GLDC: variants seen among roughly 807,000 people sequenced by gnomAD.
GLDC encodes the protein glycine dehydrogenase (decarboxylating), mitochondrial.
GLDC carries 104 observed loss-of-function variants against 121.3 expected under a neutral mutation model. The observed-to-expected ratio is 0.86, with a 90% CI of 0.73 to 1.01. The LOEUF is 1.01. Ranked by LOEUF, GLDC falls within the 50% of genes least tolerant of loss-of-function variation. The pLI, the probability that GLDC is intolerant of heterozygous loss-of-function variation, is 0.00. For missense variants in GLDC, 1,429 were observed against 1,306.6 expected, an observed-to-expected ratio of 1.09 and a Z score of -1.44; for synonymous variants, 546 against 480.6, an observed-to-expected ratio of 1.14 and a Z score of -1.78.
chr9:6,555,195 C>T (rs1004176651), intron 18 of GLDC, among the ~76,000 whole-genome samples: 1 of 152,166 alleles, frequency 6.6e-6, no homozygotes, highest in African/African-American at 2.4e-5. Context: ...GTATGATGCA[C>T]GTTACCGAAC....
intron 11 of GLDC, chr9:6,591,893 G>A: frequency 2.9e-6 from 1 of 346,170 alleles, no homozygotes; most frequent in East Asian, 6.9e-5. Flanking sequence ...CCCCAGCCTA[G>A]AGGCACTTTC....
chr9:6,639,668 A>AAAATATAT, intron 2 of GLDC: 13 of 250,576 alleles, frequency 5.2e-5, no homozygotes, highest in East Asian at 2.3e-4. Flanking sequence ...ATAAAAAAAA[A>AAAATATAT]GTATATATAT....
intron 3 of GLDC, among the ~76,000 whole-genome samples, chr9:6,611,617 G>C (rs1325609838): frequency 1.3e-5 from 2 of 151,470 alleles, no homozygotes; most frequent in African/African-American, 4.8e-5. Context: ...ATGTTTTACA[G>C]CATCATTTTC....
chr9:6,562,031 A>G (rs1245331254), intron 16 of GLDC, among the ~76,000 whole-genome samples: 1 of 152,208 alleles, frequency 6.6e-6, no homozygotes, highest in African/African-American at 2.4e-5. Flanking sequence ...TTCCCTTTGT[A>G]TAGGAAACTC....
At position 6,595,134 on chromosome 9, in the gene GLDC, C is replaced by T. The variant is rs1326713483; in HGVS notation, c.1156-15G>A. 5.9e-6 allele frequency: 9 copies of T among 1,537,992 alleles called. No homozygotes were observed. In the African/African-American group the frequency reaches 6.8e-5, roughly 12 times the overall value. The stretch of plus-strand genomic sequence containing the variant: ...GCCAAGAGGGCCTAAAAGATAAGAA[C>T]ATTTAAAGAATCACGTGATGGAGGA... On this transcript the variant is annotated splice_polypyrimidine_tract_variant and intron_variant, in intron 8 of 24. Transcript: ENST00000321612.
intron 15 of GLDC, among the ~76,000 whole-genome samples, chr9:6,579,114 G>A (rs968943256): frequency 6.6e-6 from 1 of 152,024 alleles, no homozygotes; most frequent in African/African-American, 2.4e-5. Context: ...ATCTGGGTAT[G>A]TTCTTTCTCA....
intron 2 of GLDC, among the ~76,000 whole-genome samples, chr9:6,636,832 C>G (rs1393604794): frequency 6.6e-6 from 1 of 152,038 alleles, no homozygotes; most frequent in East Asian, 1.9e-4. Flanking sequence ...GACTGTAATC[C>G]CAGCACTTTG....
intron 15 of GLDC, among the ~76,000 whole-genome samples, chr9:6,577,947 C>G (rs1818103522): frequency 6.6e-6 from 1 of 151,850 alleles, no homozygotes; most frequent in African/African-American, 2.4e-5. Flanking sequence ...TTTTTTAAAA[C>G]AGGGTCAACC....
chr9:6,644,933 C>A, intron 1 of GLDC: 1 of 615,664 alleles, frequency 1.6e-6, no homozygotes, highest in Non-Finnish European at 2.9e-6. Context: ...ACCGGTAAGC[C>A]CACTCTTAAT....
rs78073049 is a variant in GLDC, at chr9:6,592,121, C to T, written c.1482+22G>A. ...CACCTCCAATAGTTATGATGAGGAA[C>T]GCATGTTTTTATTTTACTTACTGCA... On this transcript the variant is annotated intron_variant, in intron 11 of 24. Transcript: ENST00000321612. 6,548 of 1,422,990 alleles carry T rather than the reference C, an allele frequency of 4.6e-3. 237 individuals carry two copies. The African/African-American group carries it at 0.079, about 17-fold the overall frequency. 88.1% of individuals were successfully genotyped at this position (1,422,990 alleles called of 1,614,324 possible).
chr9:6,558,797 T>G (rs1817687437), intron 16 of GLDC, 113 bp from the exon 17 acceptor site: 7 of 1,114,286 alleles, frequency 6.3e-6, no homozygotes, highest in Non-Finnish European at 9.5e-6. Flanking sequence ...CCTGTTTTTA[T>G]TTAGGCTGAA....
At chr9:6,543,795 G>A (rs1229608251) in intron 21 of GLDC, among the ~76,000 whole-genome samples, 2 of 151,920 alleles carry the variant, frequency 1.3e-5, no homozygotes, top group Non-Finnish European at 2.9e-5. Flanking sequence ...AAACCACTCA[G>A]CACCAACTTT....
chr9:6,593,091 T>G, intron 9 of GLDC, 101 bp from the exon 10 acceptor site: 2 of 1,292,862 alleles, frequency 1.5e-6, no homozygotes, highest in Non-Finnish European at 2.2e-6. Context: ...ACTAGACTCT[T>G]GTTGGTCCTG....
intron 2 of GLDC, among the ~76,000 whole-genome samples, chr9:6,629,958 T>TATATATATATA: frequency 4.5e-4 from 35 of 78,574 alleles, no homozygotes; most frequent in South Asian, 8.6e-4. Context: ...TATATATATA[T>TATATATATATA]TTTTTTTTTT....
chr9:6,597,065 A>G (rs1399001306), intron 8 of GLDC, among the ~76,000 whole-genome samples: 1 of 152,254 alleles, frequency 6.6e-6, no homozygotes, highest in African/African-American at 2.4e-5. Context: ...GTACACATTC[A>G]TGCTACAATA....
At chr9:6,545,755 C>G (rs1178231062) in intron 21 of GLDC, among the ~76,000 whole-genome samples, 1 of 152,044 alleles carries the variant, frequency 6.6e-6, no homozygotes, top group Non-Finnish European at 1.5e-5. Context: ...ATTATTATGC[C>G]TCAGCCTCCC....
chr9:6,624,227 G>A (rs1463017757), intron 2 of GLDC, among the ~76,000 whole-genome samples: 1 of 152,164 alleles, frequency 6.6e-6, no homozygotes, highest in African/African-American at 2.4e-5. Flanking sequence ...CAAAAATGAT[G>A]CTTTGAAATC....
At chr9:6,575,957 C>G (rs1008818688) in intron 15 of GLDC, among the ~76,000 whole-genome samples, 1 of 152,178 alleles carries the variant, frequency 6.6e-6, no homozygotes, top group Admixed American at 6.5e-5. Flanking sequence ...GCTGGAAACC[C>G]TCCCCGGGGT....
intron 2 of GLDC, among the ~76,000 whole-genome samples, chr9:6,641,513 T>C (rs1161112002): frequency 6.6e-6 from 1 of 152,044 alleles, no homozygotes; most frequent in African/African-American, 2.4e-5. Context: ...GTGGATGGAG[T>C]GTGGACAGTG....
Sources: allele counts gnomAD v4.1 joint callset (sites outside exome capture counted in the v4.1 genomes callset), GRCh38; gene constraint gnomAD v4.1.1; transcripts MANE v1.5; gene names NCBI Gene and HGNC (gene_info 2026-07-23, HGNC 2026-07-21).